Variants in JAKMIP2 observed in about 807,000 individuals in gnomAD.
The protein encoded by JAKMIP2 is janus kinase and microtubule interacting protein 2.
A neutral mutation model predicts 115.0 loss-of-function variants in JAKMIP2; 25 were observed. The ratio of observed to expected loss-of-function variants is 0.22; its 90% CI spans 0.16 to 0.30. The LOEUF (loss-of-function observed/expected upper bound fraction) is 0.30. Among genes scored for constraint, JAKMIP2 ranks in the 10% least tolerant of loss-of-function variants. The probability of loss-of-function intolerance (pLI) is 1.00; values close to 1 mark genes in which losing one functional copy is unlikely to be tolerated. For missense variants in JAKMIP2, 642 were observed against 957.6 expected, an observed-to-expected ratio of 0.67 and a Z score of 4.35; for synonymous variants, 334 against 343.6, an observed-to-expected ratio of 0.97 and a Z score of 0.31.
chr5:147,727,751 G>A (rs1397571149), intron 1 of JAKMIP2, among the ~76,000 whole-genome samples: 1 of 152,168 alleles, frequency 6.6e-6, no homozygotes, highest in South Asian at 2.1e-4. Context: ...ATTAAAAGCA[G>A]ATATTCAAGC....
chr5:147,742,746 A>G (rs1165914917), intron 1 of JAKMIP2, among the ~76,000 whole-genome samples: 1 of 152,198 alleles, frequency 6.6e-6, no homozygotes. Context: ...CTGGTCCTTC[A>G]AGAAATGATG....
At chr5:147,672,852 A>G (rs1290159813) in intron 1 of JAKMIP2, among the ~76,000 whole-genome samples, 1 of 152,242 alleles carries the variant, frequency 6.6e-6, no homozygotes, top group East Asian at 1.9e-4. Context: ...ATTTGTGGGA[A>G]GAAATAGGGC....
At chr5:147,603,383 A>G (rs1008482212) in intron 20 of JAKMIP2, among the ~76,000 whole-genome samples, 2 of 152,214 alleles carry the variant, frequency 1.3e-5, no homozygotes, top group Non-Finnish European at 2.9e-5. Context: ...TATGCTCTAG[A>G]TAAGTGCTGC....
chr5:147,756,619 A>G (rs1306713779), intron 1 of JAKMIP2, among the ~76,000 whole-genome samples: 2 of 149,746 alleles, frequency 1.3e-5, no homozygotes, highest in Admixed American at 6.6e-5. Context: ...TGGGACAGGT[A>G]AAGGGAGAAC....
chr5:147,605,412 T>C (rs1312293844), intron 20 of JAKMIP2, among the ~76,000 whole-genome samples: 1 of 151,978 alleles, frequency 6.6e-6, no homozygotes, highest in East Asian at 1.9e-4. Flanking sequence ...GGTTTCACCG[T>C]GTTAACTAGG....
At chr5:147,632,618 ATG>A in intron 13 of JAKMIP2, 60 bp downstream of exon 13, 1 of 1,061,098 alleles carries the variant, frequency 9.4e-7, no homozygotes, top group Non-Finnish European at 1.4e-6. Flanking sequence ...TAGCTCCTCA[ATG>A]TGCTCTGTGC....
At chr5:147,598,839 GA>G (rs34234018) in intron 21 of JAKMIP2, among the ~76,000 whole-genome samples, 1 of 152,078 alleles carries the variant, frequency 6.6e-6, no homozygotes, top group Non-Finnish European at 1.5e-5. Flanking sequence ...ATTTAGTATG[GA>G]AAAAAATTTA....
intron 20 of JAKMIP2, 172 bp downstream of exon 20, chr5:147,612,134 C>T (rs761104323): frequency 3.1e-5 from 23 of 737,812 alleles, no homozygotes; most frequent in African/African-American, 8.5e-5. Context: ...TGATGGCAGA[C>T]GCTTTGCTGG....
At chr5:147,598,345 C>A (rs545182404) in intron 21 of JAKMIP2, among the ~76,000 whole-genome samples, 5 of 152,108 alleles carry the variant, frequency 3.3e-5, no homozygotes, top group Admixed American at 6.5e-5. Flanking sequence ...GGTTCTCCAG[C>A]GTGCAGATGG....
chr5:147,749,578 C>T (rs1446133362), intron 1 of JAKMIP2, among the ~76,000 whole-genome samples: 2 of 152,188 alleles, frequency 1.3e-5, no homozygotes, highest in Non-Finnish European at 2.9e-5. Context: ...ATCACACACT[C>T]CTGCTAACCT....
At chr5:147,769,429 T>C (rs1382803065) in intron 1 of JAKMIP2, among the ~76,000 whole-genome samples, 1 of 152,172 alleles carries the variant, frequency 6.6e-6, no homozygotes, top group African/African-American at 2.4e-5. Flanking sequence ...TTTTGTCCTG[T>C]CATGTAATAA....
At chr5:147,621,233 G>T (rs1298797579) in intron 17 of JAKMIP2, among the ~76,000 whole-genome samples, 1 of 152,196 alleles carries the variant, frequency 6.6e-6, no homozygotes, top group Non-Finnish European at 1.5e-5. Context: ...TAATGAGTGG[G>T]TGTCTGCTTT....
At chr5:147,619,722 T>C (rs1311065851) in intron 18 of JAKMIP2, among the ~76,000 whole-genome samples, 1 of 152,128 alleles carries the variant, frequency 6.6e-6, no homozygotes, top group African/African-American at 2.4e-5. Flanking sequence ...CATAATCTTC[T>C]GTGGGAGACA....
At chr5:147,721,756 C>T (rs1173371658) in intron 1 of JAKMIP2, among the ~76,000 whole-genome samples, 2 of 152,132 alleles carry the variant, frequency 1.3e-5, no homozygotes, top group South Asian at 2.1e-4. Context: ...GTCTGGCACT[C>T]CCTAGTGAGA....
chr5:147,588,657 T>C lies in JAKMIP2; in HGVS notation c.*3050A>G, dbSNP rs900182847. ...AAAAATTACAGTTCAGTCTATAGTC[T>C]TGAGAAATTTGCTAATCTCCCAGAT... On this transcript the variant is annotated 3_prime_UTR_variant, in exon 22 of 22. Coordinates refer to ENST00000616793, the MANE Select transcript of JAKMIP2 (RefSeq NM_001270941.2). The C allele has an allele frequency of 2.0e-5, 3 of 152,158 alleles. No homozygotes were observed. Among genetic ancestry groups the C allele is most frequent in the Non-Finnish European group, 4.4e-5 (3 of 68,024 alleles). The allele number at this position is 152,158 out of a possible 1,614,324, so 9.4% of individuals were successfully genotyped here. A position where few individuals can be genotyped will look rare whatever the true frequency, so the allele number is the denominator to read the frequency against.
Position 147,782,668 on chromosome 5 carries a change from GCA to G in JAKMIP2, c.-363_-362del. The G allele has an allele frequency of 1.5e-6, 1 of 655,560 alleles. No homozygotes were observed. The highest frequency in any genetic ancestry group is 2.8e-6 in the Non-Finnish European group (1 of 358,752). 40.6% of individuals were successfully genotyped at this position (655,560 alleles called of 1,614,324 possible). A position where few individuals can be genotyped will look rare whatever the true frequency, so the allele number is the denominator to read the frequency against. On this transcript the variant is annotated 5_prime_UTR_variant, in exon 1 of 22. An upstream open reading frame in the 5' UTR loses its in-frame stop. Transcript: ENST00000616793. ...AGCAATAGAGGCGGCGGCGGCGGCA[GCA>G]GCAGCAGCAGCAGCATCACCAGTTG...
At chr5:147,607,070 T>G (rs1219636208) in intron 20 of JAKMIP2, among the ~76,000 whole-genome samples, 2 of 152,194 alleles carry the variant, frequency 1.3e-5, no homozygotes, top group Admixed American at 6.5e-5. Flanking sequence ...AAGGAGTTTT[T>G]GGGCTGAGAC....
chr5:147,656,718 T>A (rs1344325526), intron 3 of JAKMIP2, among the ~76,000 whole-genome samples: 1 of 152,234 alleles, frequency 6.6e-6, no homozygotes, highest in African/African-American at 2.4e-5. Context: ...GTGAATTTGA[T>A]CCTGTCATCA....
intron 4 of JAKMIP2, among the ~76,000 whole-genome samples, chr5:147,649,216 A>G (rs1758275634): frequency 6.6e-6 from 1 of 152,192 alleles, no homozygotes; most frequent in African/African-American, 2.4e-5. Flanking sequence ...AGTTTCAAAT[A>G]CATTATATCC....
Sources: allele counts gnomAD v4.1 joint callset (sites outside exome capture counted in the v4.1 genomes callset), GRCh38; gene constraint gnomAD v4.1.1; transcripts MANE v1.5; gene names NCBI Gene and HGNC (gene_info 2026-07-23, HGNC 2026-07-21).